Variants in CD40 observed in about 807,000 individuals in gnomAD.
CD40 encodes tumor necrosis factor receptor superfamily member 5.
In CD40, 19 loss-of-function variants were observed where a neutral mutation model predicts 38.5. The observed-to-expected ratio is 0.49, with a 90% CI of 0.34 to 0.72. The LOEUF (loss-of-function observed/expected upper bound fraction) is 0.72, where lower values mean the gene tolerates loss of function less well. Among genes scored for constraint, CD40 ranks in the 30% least tolerant of loss-of-function variants. The probability of loss-of-function intolerance (pLI) is 0.01; values close to 1 mark genes in which losing one functional copy is unlikely to be tolerated. For synonymous variants in CD40, 130 were observed against 128.7 expected, an observed-to-expected ratio of 1.01 and a Z score of -0.07; for missense variants, 256 against 344.1, an observed-to-expected ratio of 0.74 and a Z score of 2.03.
rs117436457 is a variant in CD40 at position 46,129,842 on chromosome 20, C to G, written c.*802C>G. The G allele has an allele frequency of 6.6e-6, 1 of 152,126 alleles. No individual in the cohort carries two copies. Among genetic ancestry groups the G allele is most frequent in the Non-Finnish European group, 1.5e-5 (1 of 67,986 alleles). The allele number at this position is 152,126 out of a possible 1,614,324, so 9.4% of individuals were successfully genotyped here. On this transcript the variant is annotated 3_prime_UTR_variant, in exon 9 of 9. Transcript: ENST00000372285. Reference sequence around the variant, plus strand: ...CATAATGCTTATGTAATTAAAAAATCATCAAACATGTAAAAAGAAAAACGG... The same window carrying G: ...CATAATGCTTATGTAATTAAAAAATGATCAAACATGTAAAAAGAAAAACGG...
At chr20:46,128,858 T>C in intron 8 of CD40, 24 bp from the exon 9 acceptor site, 1 of 1,613,116 alleles carries the variant, frequency 6.2e-7, no homozygotes, top group Non-Finnish European at 8.5e-7. Flanking sequence ...CTGCTGGGGG[T>C]GACCTCACAC....
intron 5 of CD40, among the ~76,000 whole-genome samples, chr20:46,124,454 T>A (rs911514338): frequency 7.2e-5 from 11 of 152,148 alleles, no homozygotes; most frequent in Admixed American, 1.3e-4. Flanking sequence ...GGAGCCATTG[T>A]TCCTTGCATA....
chr20:46,122,308 A>G lies in CD40; in HGVS notation c.206A>G (p.Asp69Gly). 1 of 1,614,146 alleles carries G rather than the reference A, an allele frequency of 6.2e-7. No homozygotes were observed. The highest frequency in any genetic ancestry group is 8.5e-7 in the Non-Finnish European group (1 of 1,180,028). ...CCTTGCGGTGAAAGCGAATTCCTAG[A>G]CACCTGGAACAGAGAGACACACTGC... ...CLPCGESEFLDTWNRETHCHQ... is the reference protein window; with the variant it reads ...CLPCGESEFLGTWNRETHCHQ... The change falls in exon 3 of 9, where the codon GAC (aspartate) becomes GGC (glycine). Residue 69 changes from aspartate (D) to glycine (G), a missense_variant. By Grantham distance (94) the Asp-to-Gly change is moderately conservative (BLOSUM62 -1). Coordinates refer to ENST00000372285, the MANE Select transcript of CD40 (RefSeq NM_001250.6). This position sits in a 1 kb window ranked among gnomAD's most constrained non-coding sequence, Gnocchi z 5.0.
chr20:46,120,671 T>G (rs2145586591), intron 1 of CD40, among the ~76,000 whole-genome samples: 1 of 152,364 alleles, frequency 6.6e-6, no homozygotes, highest in Admixed American at 6.5e-5. Context: ...TTTAATAACC[T>G]TGTTTTGTTT....
intron 5 of CD40, among the ~76,000 whole-genome samples, chr20:46,124,751 G>GTTGTTTTT (rs2085390341): frequency 1.4e-5 from 1 of 73,938 alleles, no homozygotes; most frequent in East Asian, 4.1e-4. Flanking sequence ...CACTGGTATA[G>GTTGTTTTT]TTTTTTTTTT....
chr20:46,124,119 A>G (rs1200308334), intron 5 of CD40, among the ~76,000 whole-genome samples: 2 of 152,132 alleles, frequency 1.3e-5, no homozygotes, highest in African/African-American at 4.8e-5. Context: ...ACAACATGGT[A>G]AAAACCCATC....
Position 46,118,377 on chromosome 20 carries a change from G to A in CD40, c.34G>A (p.Gly12Ser). Residue 12 changes from glycine to serine, a missense_variant, in exon 1 of 9, where the codon GGC (glycine) becomes AGC (serine). Gly to Ser is a moderately conservative substitution (Grantham distance 56). Coordinates refer to ENST00000372285, the MANE Select transcript of CD40 (RefSeq NM_001250.6). ...TCTGCCTCTGCAGTGCGTCCTCTGG[G>A]GCTGCTTGCTGACCGCTGTGAGTTG... ...VRLPLQCVLW[G>S]CLLTAVHPEP... 6.2e-7 allele frequency: 1 copy of A among 1,614,146 alleles called. No individual in the cohort carries two copies. The highest frequency in any genetic ancestry group is 8.5e-7 in the Non-Finnish European group (1 of 1,180,008).
chr20:46,125,758 C>T (rs1346368628), intron 5 of CD40, among the ~76,000 whole-genome samples: 1 of 152,000 alleles, frequency 6.6e-6, no homozygotes, highest in African/African-American at 2.4e-5. Context: ...ATTTCTCCTC[C>T]TCTGAGCTCT....
rs199776150 is a variant in CD40 at position 46,122,393 on chromosome 20, C to A, written c.256+35C>A. 8.2e-5 allele frequency: 133 copies of A among 1,613,716 alleles called. No individual in the cohort carries two copies. Among genetic ancestry groups the A allele is most frequent in the Admixed American group, 3.2e-4 (19 of 60,004 alleles). ...CTGTTGGGAAAGGGACGCTTGGGAA[C>A]CGGGCTGATATTCCCGACAATGCAG... On this transcript the variant is annotated intron_variant, in intron 3 of 8. Transcript: ENST00000372285. The surrounding 1 kb of genome is among the most constrained non-coding windows in gnomAD (Gnocchi z 5.0).
At chr20:46,120,563 A>G (rs1266109540) in intron 1 of CD40, among the ~76,000 whole-genome samples, 1 of 152,272 alleles carries the variant, frequency 6.6e-6, no homozygotes, top group Non-Finnish European at 1.5e-5. Context: ...GAGCTAGAAT[A>G]GAGTTAATGC....
rs2085341357 is a variant in CD40 at position 46,122,653 on chromosome 20, C to T, written c.300C>T (p.Asp100=). The T allele has an allele frequency of 6.2e-7, 1 of 1,614,186 alleles. No homozygotes were observed. The highest frequency in any genetic ancestry group is 8.5e-7 in the Non-Finnish European group (1 of 1,180,040). ...AGCAGAAGGGCACCTCAGAAACAGA[C>T]ACCATCTGCACCTGTGAAGAAGGCT... ...RVQQKGTSET[D]TICTCEEGWH... The change falls in exon 4 of 9, where the codon GAC becomes GAT. Residue 100 remains aspartate, a synonymous_variant. Coordinates refer to ENST00000372285, the MANE Select transcript of CD40 (RefSeq NM_001250.6). The surrounding 1 kb of genome is among the most constrained non-coding windows in gnomAD (Gnocchi z 5.0).
intron 5 of CD40, among the ~76,000 whole-genome samples, chr20:46,124,774 T>G (rs1375239127): frequency 2.4e-5 from 3 of 124,592 alleles, no homozygotes; most frequent in South Asian, 2.8e-4. Context: ...TTTTTTTTTT[T>G]TTTTTTTTTT....
At chr20:46,125,002 C>T (rs1343988785) in intron 5 of CD40, among the ~76,000 whole-genome samples, 1 of 151,400 alleles carries the variant, frequency 6.6e-6, no homozygotes, top group Non-Finnish European at 1.5e-5. Flanking sequence ...CTCCTGACCT[C>T]GTGATCCGTC....
rs2085509792 is a variant in CD40 at position 46,129,336 on chromosome 20, C to G, written c.*296C>G. ...TTGGGGTATGGTTTAGTAATATCCA[C>G]CAGACCTTCCGATCCAGCAGTTTGG... On this transcript the variant is annotated 3_prime_UTR_variant, in exon 9 of 9. Transcript: ENST00000372285. The G allele has an allele frequency of 2.4e-6, 1 of 412,150 alleles. No individual in the cohort carries two copies. The highest frequency in any genetic ancestry group is 3.6e-5 in the Admixed American group (1 of 27,870). The allele number at this position is 412,150 out of a possible 1,614,324, so 25.5% of individuals were successfully genotyped here.
In CD40 at chr20:46,121,809, T is replaced by C. The variant is rs1157013902; in HGVS notation, c.52-11T>C. On this transcript the variant is annotated splice_polypyrimidine_tract_variant and intron_variant, in intron 1 of 8. Coordinates refer to ENST00000372285, the MANE Select transcript of CD40 (RefSeq NM_001250.6). ...TCAAGATCCCTTCAAATTGCACAAT[T>C]CTGTTTTTAGGTCCATCCAGAACCA... is the stretch of plus-strand genomic sequence containing the variant. 1.2e-6 allele frequency: 2 copies of C among 1,608,228 alleles called. No individual in the cohort carries two copies. Among genetic ancestry groups the C allele is most frequent in the African/African-American group, 2.7e-5 (2 of 74,778 alleles).
chr20:46,126,792 A>C (rs1292384391), intron 6 of CD40, 91 bp downstream of exon 6: 1 of 1,601,952 alleles, frequency 6.2e-7, no homozygotes, highest in Non-Finnish European at 8.5e-7. Flanking sequence ...GATGGGAAAA[A>C]GGGGAGGGGA....
At chr20:46,123,949 C>G (rs899081107) in intron 5 of CD40, among the ~76,000 whole-genome samples, 4 of 152,190 alleles carry the variant, frequency 2.6e-5, no homozygotes, top group Non-Finnish European at 4.4e-5. Flanking sequence ...ACTTGCAATC[C>G]TCTGAACACA....
At position 46,128,270 on chromosome 20, in the gene CD40, C is replaced by T. The variant is rs778043845; in HGVS notation, c.646+46C>T. ...GTGTTGGGGGAGGGAGGGGAGACCA[C>T]CTGTTTCTTATCTGGCCTCTCCAAC... On this transcript the variant is annotated intron_variant, in intron 7 of 8. Coordinates refer to ENST00000372285, the MANE Select transcript of CD40 (RefSeq NM_001250.6). 12 of 1,605,796 alleles carry T rather than the reference C, an allele frequency of 7.5e-6. No individual in the cohort carries two copies. In the South Asian group the frequency reaches 1.2e-4, roughly 16 times the overall value.
chr20:46,120,990 A>G (rs2085306469), intron 1 of CD40, among the ~76,000 whole-genome samples: 1 of 152,212 alleles, frequency 6.6e-6, no homozygotes, highest in African/African-American at 2.4e-5. Flanking sequence ...GCTTGAACCC[A>G]GGAGATAGAG....
Sources: allele counts gnomAD v4.1 joint callset (sites outside exome capture counted in the v4.1 genomes callset), GRCh38; gene constraint gnomAD v4.1.1; non-coding constraint Gnocchi (gnomAD v3.1); transcripts MANE v1.5; gene names NCBI Gene and HGNC (gene_info 2026-07-23, HGNC 2026-07-21).